FOXP2: variants seen among roughly 807,000 people sequenced by gnomAD.
FOXP2 encodes the protein forkhead box P2, also known as forkhead box protein P2.
FOXP2 carries 12 observed loss-of-function variants against 115.8 expected under a neutral mutation model. That is an observed-to-expected ratio of 0.10 (90% CI 0.07 to 0.17). The LOEUF is 0.17. Among genes scored for constraint, FOXP2 ranks in the 10% least tolerant of loss-of-function variants. The pLI, the probability that FOXP2 is intolerant of heterozygous loss-of-function variation, is 1.00. For synonymous variants in FOXP2, 328 were observed against 297.7 expected (o/e 1.10, Z -1.05); for missense variants, 629 against 843.5 (o/e 0.75, Z 3.15).
chr7:114,328,403 A>AT (rs1463577691), intron 2 of FOXP2, among the ~76,000 whole-genome samples: 2 of 151,398 alleles, frequency 1.3e-5, no homozygotes, highest in African/African-American at 2.4e-5. Context: ...CGCCCGGCAA[A>AT]TTTTTTGTAT....
At chr7:114,279,910 A>T (rs1051212747) in intron 1 of FOXP2, among the ~76,000 whole-genome samples, 1 of 151,966 alleles carries the variant, frequency 6.6e-6, no homozygotes, top group African/African-American at 2.4e-5. Context: ...AATATGATGC[A>T]TTTTTTTAAG....
intron 2 of FOXP2, among the ~76,000 whole-genome samples, chr7:114,481,986 T>G (rs1261763987): frequency 2.6e-5 from 4 of 151,382 alleles, no homozygotes; most frequent in African/African-American, 9.7e-5. Context: ...GCTTGTGTTC[T>G]GATTTTAACT....
chr7:114,343,567 A>G (rs1056473416), intron 2 of FOXP2, among the ~76,000 whole-genome samples: 4 of 151,678 alleles, frequency 2.6e-5, no homozygotes, highest in Non-Finnish European at 1.5e-5. Context: ...ATAATGATTT[A>G]TATTATGCCA....
chr7:114,176,222 TTGTCTTGTCTTTTC>T (rs1454059501), intron 1 of FOXP2, among the ~76,000 whole-genome samples: 2 of 150,824 alleles, frequency 1.3e-5, no homozygotes, highest in East Asian at 1.9e-4. Flanking sequence ...TTGTCTTGTC[TTGTCTTGTCTTTTC>T]TTTCTTTCTT....
chr7:114,307,508 T>G (rs1797043235), intron 2 of FOXP2, among the ~76,000 whole-genome samples: 1 of 152,168 alleles, frequency 6.6e-6, no homozygotes, highest in African/African-American at 2.4e-5. Context: ...CATATATGCA[T>G]TCTGTGGCCC....
Position 114,610,805 on chromosome 7 carries a change from T to C in FOXP2, c.259-17735T>C, listed in dbSNP as rs375562375. On this transcript the variant is annotated intron_variant, in intron 3 of 16. Coordinates refer to ENST00000350908, the MANE Select transcript of FOXP2 (RefSeq NM_014491.4). Reference sequence around the variant, plus strand: ...ATATGCCACCATGTCTGACTATTTTTTTTTTTTTGGTAGAGATGGGGGTTT... The same window carrying C: ...ATATGCCACCATGTCTGACTATTTTCTTTTTTTTGGTAGAGATGGGGGTTT... 3.2e-4 allele frequency among the ~76,000 whole-genome samples: 49 copies of C among 152,224 alleles called. No homozygotes were observed. In the East Asian group the frequency reaches 9.3e-3, roughly 29 times the overall value.
intron 2 of FOXP2, among the ~76,000 whole-genome samples, chr7:114,327,216 C>T (rs1487414328): frequency 6.6e-6 from 1 of 152,192 alleles, no homozygotes; most frequent in African/African-American, 2.4e-5. Context: ...TGTGTACTTT[C>T]TTCTCCTTCT....
rs902050091 is a variant in FOXP2, at chr7:114,472,180, T to A, written c.168+45501T>A. Among the ~76,000 whole-genome samples the A allele has an allele frequency of 1.2e-4, 18 of 152,168 alleles. No homozygotes were observed. The East Asian group carries it at 3.5e-3, about 29-fold the overall frequency. On this transcript the variant is annotated intron_variant, in intron 2 of 16. Transcript: ENST00000350908. ...TTCTTTATGCTACATGCATGGAGTT[T>A]AAAGATAGATGAAGCCCCTTGAACT...
chr7:114,100,599 T>G lies in FOXP2; in HGVS notation c.-247+12761T>G, dbSNP rs192447830. ...GAAGAAATTCTAATTCTTTTATTTA[T>G]GTTAGCAATTGTGTCATCCATAATT... On this transcript the variant is annotated intron_variant, in intron 1 of 19. Coordinates refer to the FOXP2 transcript ENST00000635638. Among the ~76,000 whole-genome samples, 195 of 152,322 alleles carry G rather than the reference T, an allele frequency of 1.3e-3. 1 individual carries two copies. The Middle Eastern group carries it at 0.014, about 11-fold the overall frequency.
intron 16 of FOXP2, among the ~76,000 whole-genome samples, chr7:114,677,664 CA>C (rs2129348455): frequency 6.6e-6 from 1 of 152,270 alleles, no homozygotes; most frequent in African/African-American, 2.4e-5. Flanking sequence ...TGGTAAATTT[CA>C]CAACAAAAGC....
chr7:114,090,610 TA>T (rs765578758), intron 1 of FOXP2, among the ~76,000 whole-genome samples: 14 of 151,724 alleles, frequency 9.2e-5, no homozygotes, highest in Admixed American at 7.2e-4. Flanking sequence ...CTTGAAACTT[TA>T]AAAAAAACAT....
At chr7:114,524,858 G>A (rs931358461) in intron 2 of FOXP2, among the ~76,000 whole-genome samples, 1 of 152,032 alleles carries the variant, frequency 6.6e-6, no homozygotes, top group African/African-American at 2.4e-5. Flanking sequence ...TATACATTGG[G>A]TGTATTGTAT....
rs182484117 is a variant in FOXP2, at chr7:114,313,402, T to C, written c.-11+25293T>C. Among the ~76,000 whole-genome samples, 21 of 152,306 alleles carry C rather than the reference T, an allele frequency of 1.4e-4. No individual in the cohort carries two copies. The East Asian group carries it at 3.3e-3, about 24-fold the overall frequency. On this transcript the variant is annotated intron_variant, in intron 2 of 17. Transcript: ENST00000634411. ...TTTTTGGTAAAGATGCCACAGAATA[T>C]AATCTTACATTTCCATTTTACTAAA...
Position 114,238,878 on chromosome 7 carries a change from T to C in FOXP2, c.-101-49141T>C, listed in dbSNP as rs181572520. 3.3e-5 allele frequency among the ~76,000 whole-genome samples: 5 copies of C among 150,998 alleles called. No homozygotes were observed. In the East Asian group the frequency reaches 9.7e-4, roughly 29 times the overall value. ...GCTATAAATGACTGGAAAATTTATG[T>C]TATATTTGGCCTTAGATGTCTAAAT... On this transcript the variant is annotated intron_variant, in intron 1 of 17. Transcript: ENST00000634411.
At chr7:114,136,203 A>G (rs1463572713) in intron 1 of FOXP2, among the ~76,000 whole-genome samples, 1 of 152,062 alleles carries the variant, frequency 6.6e-6, no homozygotes, top group Non-Finnish European at 1.5e-5. Context: ...ACTTCCTTCT[A>G]TCCTCTACTC....
intron 2 of FOXP2, among the ~76,000 whole-genome samples, chr7:114,375,954 A>G (rs1274575519): frequency 6.6e-6 from 1 of 152,206 alleles, no homozygotes. Flanking sequence ...AGGACTTGCA[A>G]GATGGGAAGA....
At chr7:114,365,845 T>C (rs1456887571) in intron 2 of FOXP2, among the ~76,000 whole-genome samples, 1 of 152,156 alleles carries the variant, frequency 6.6e-6, no homozygotes, top group Non-Finnish European at 1.5e-5. Context: ...CTACCATCTA[T>C]GGCTATTTGA....
At position 114,658,133 on chromosome 7, in the gene FOXP2, A is replaced by T; in HGVS notation, c.1334A>T (p.Gln445Leu). 4 of 1,613,968 alleles carry T rather than the reference A, an allele frequency of 2.5e-6. No homozygotes were observed. Among genetic ancestry groups the T allele is most frequent in the Non-Finnish European group, 3.4e-6 (4 of 1,179,898 alleles). Residue 445 changes from glutamine to leucine, a missense_variant, in exon 11 of 17, where the codon CAA (glutamine) becomes CTA (leucine). Gln to Leu is a moderately radical substitution (Grantham distance 113). Transcript: ENST00000350908. Reference protein sequence around the residue: ...MLETSPQSLPQTPTTPTAPVT... With the variant: ...MLETSPQSLPLTPTTPTAPVT... ...GAGACATCCCCACAGAGCTTACCTC[A>T]AACCCCTACCACACCAACGGCCCCA...
chr7:114,451,055 GATTTGTTTTATAATCATCA>G (rs1795052998), intron 2 of FOXP2, among the ~76,000 whole-genome samples: 3 of 151,970 alleles, frequency 2.0e-5, no homozygotes, highest in Admixed American at 6.6e-5. Flanking sequence ...AAGGTTTCAG[GATTTGTTTTATAATCATCA>G]ACTAATGTTT....
Sources: gnomAD v4.1 joint callset for allele counts (sites outside exome capture counted in the v4.1 genomes callset) on GRCh38, gnomAD v4.1.1 for gene constraint, MANE v1.5 for transcripts, NCBI Gene and HGNC (gene_info 2026-07-23, HGNC 2026-07-21) for gene names.